The following ERCC1 variants were observed in gnomAD, a reference collection of about 807,000 sequenced individuals.
The protein encoded by ERCC1 is DNA excision repair protein ERCC-1.
In ERCC1, 36 loss-of-function variants were observed where a neutral mutation model predicts 37.6. That is an observed-to-expected ratio of 0.96 (90% CI 0.73 to 1.26). The LOEUF (loss-of-function observed/expected upper bound fraction) is 1.26. Among genes scored for constraint, ERCC1 ranks in the 50% most tolerant of loss-of-function variants. The pLI, the probability that ERCC1 is intolerant of heterozygous loss-of-function variation, is 0.00. For synonymous variants in ERCC1, 156 were observed against 162.1 expected (o/e 0.96, Z 0.28); for missense variants, 349 against 376.5 (o/e 0.93, Z 0.60).
At chr19:45,428,083 C>CTTTTTTTTTTTTTTTTTTTTTTTTT (rs5828235), upstream of ERCC1, among the ~76,000 whole-genome samples, 1 of 116,018 alleles carries the variant, frequency 8.6e-6, no homozygotes, top group Non-Finnish European at 1.7e-5. Flanking sequence ...TTCTTTCTTT[C>CTTTTTTTTTTTTTTTTTTTTTTTTT]TTTTTTTTTT....
chr19:45,446,310 G>C lies in ERCC1; in HGVS notation c.-7-22929C>G, dbSNP rs369542956. Among the ~76,000 whole-genome samples the C allele has an allele frequency of 4.6e-5, 7 of 152,308 alleles. No homozygotes were observed. The South Asian group carries it at 6.2e-4, about 14-fold the overall frequency. ...TGTCATGGTCCAGTTGAGTCCAATG[G>C]TGACTTGGACTAGGAGGTAGTAGGG... is the stretch of plus-strand genomic sequence containing the variant. On this transcript the variant is annotated intron_variant, in intron 1 of 8. Transcript: ENST00000423698.
chr19:45,423,686 C>G lies in ERCC1; in HGVS notation c.-8+95G>C, dbSNP rs889519768. 1.2e-5 allele frequency: 15 copies of G among 1,249,608 alleles called. 1 individual carries two copies. The African/African-American group carries it at 2.0e-4, about 16-fold the overall frequency. 77.4% of individuals were successfully genotyped at this position (1,249,608 alleles called of 1,614,324 possible). On this transcript the variant is annotated intron_variant, in intron 1 of 9. Coordinates refer to ENST00000300853, the MANE Select transcript of ERCC1 (RefSeq NM_001983.4). The stretch of plus-strand genomic sequence containing the variant: ...CCGGCCCCCGAGGCTAGCATCTGGA[C>G]GCCCTCCCCACGCCTGGCCTTGTCC...
intron 1 of ERCC1, among the ~76,000 whole-genome samples, chr19:45,448,619 G>A (rs576949166): frequency 6.6e-6 from 1 of 152,156 alleles, no homozygotes; most frequent in South Asian, 2.1e-4. Flanking sequence ...AGGCGGAGAT[G>A]GGAGGATCTC....
chr19:45,410,917 G>A (rs1001386363), intron 9 of ERCC1, among the ~76,000 whole-genome samples: 9 of 151,954 alleles, frequency 5.9e-5, no homozygotes, highest in Non-Finnish European at 1.3e-4. Flanking sequence ...TCCGCCTCCC[G>A]GATTCAAGCG....
intron 6 of ERCC1, chr19:45,415,778 C>A (rs1403475279): frequency 2.2e-6 from 1 of 455,852 alleles, no homozygotes; most frequent in African/African-American, 2.0e-5. Flanking sequence ...CTTGGGAGCC[C>A]AACCCCACTT....
upstream of ERCC1, among the ~76,000 whole-genome samples, chr19:45,426,293 C>T (rs1263069622): frequency 2.1e-5 from 3 of 145,900 alleles, no homozygotes; most frequent in African/African-American, 5.1e-5. Flanking sequence ...GCAGAAGAAT[C>T]GCTTGAACCT....
At position 45,420,429 on chromosome 19, in the gene ERCC1, TG is replaced by T. The variant is rs1974345003; in HGVS notation, c.322-3del. On this transcript the variant is annotated splice_polypyrimidine_tract_variant and splice_region_variant and intron_variant, in intron 3 of 9. Transcript: ENST00000300853. The surrounding 1 kb of genome is among the most constrained non-coding windows in gnomAD (Gnocchi z 4.8). The stretch of plus-strand genomic sequence containing the variant: ...GAACTTCAGTACGGGATTGCCCCTC[TG>T]GGGAGGGACGAAGGGCAGAAGCCAT... The T allele has an allele frequency of 1.9e-6, 3 of 1,605,882 alleles. No individual in the cohort carries two copies. The highest frequency in any genetic ancestry group is 2.7e-5 in the African/African-American group (2 of 74,572).
intron 1 of ERCC1, among the ~76,000 whole-genome samples, chr19:45,435,197 A>G (rs1442463536): frequency 6.6e-6 from 1 of 152,076 alleles, no homozygotes; most frequent in Non-Finnish European, 1.5e-5. Context: ...GATTACAGGC[A>G]TGAGCCACTG....
At chr19:45,447,141 C>T (rs1251011117) in intron 1 of ERCC1, among the ~76,000 whole-genome samples, 1 of 152,202 alleles carries the variant, frequency 6.6e-6, no homozygotes, top group Non-Finnish European at 1.5e-5. Flanking sequence ...CCAATCACGG[C>T]CTAGGCCTGG....
intron 1 of ERCC1, among the ~76,000 whole-genome samples, chr19:45,447,554 C>T (rs922591115): frequency 2.0e-5 from 3 of 152,146 alleles, no homozygotes; most frequent in East Asian, 3.9e-4. Flanking sequence ...GGATTACAGG[C>T]GTGAACCACT....
intron 1 of ERCC1, among the ~76,000 whole-genome samples, chr19:45,439,323 G>C (rs1975058774): frequency 6.6e-6 from 1 of 152,152 alleles, no homozygotes. Context: ...CCTCAACCCA[G>C]TTCCTCTCCG....
rs756380267 is a variant in ERCC1 at position 45,409,170 on chromosome 19, C to T, written c.*505G>A. 5 of 1,613,548 alleles carry T rather than the reference C, an allele frequency of 3.1e-6. No individual in the cohort carries two copies. The Admixed American group carries it at 8.3e-5, about 27-fold the overall frequency. ...CAAGATGCCACAGTGGAGCCAGAGA[C>T]AGAGGTGGTGGGGCCTGAGCTGCCG... On this transcript the variant is annotated 3_prime_UTR_variant, in exon 10 of 10. Coordinates refer to ENST00000300853, the MANE Select transcript of ERCC1 (RefSeq NM_001983.4).
At position 45,409,367 on chromosome 19, in the gene ERCC1, A is replaced by G. The variant is rs1338232476; in HGVS notation, c.*308T>C. The G allele has an allele frequency of 6.2e-7, 1 of 1,613,998 alleles. No homozygotes were observed. The highest frequency in any genetic ancestry group is 8.5e-7 in the Non-Finnish European group (1 of 1,180,026). ...ATCCACCAAGAAGAGGAAGAAGCAG[A>G]GTCAGGAAAGCCGGATGCCAGAGAC... On this transcript the variant is annotated 3_prime_UTR_variant, in exon 10 of 10. Coordinates refer to ENST00000300853, the MANE Select transcript of ERCC1 (RefSeq NM_001983.4).
At position 45,413,947 on chromosome 19, in the gene ERCC1, G is replaced by A; in HGVS notation, c.774+16C>T. 5.6e-6 allele frequency: 9 copies of A among 1,611,894 alleles called. No individual in the cohort carries two copies. Among genetic ancestry groups the A allele is most frequent in the Non-Finnish European group, 6.8e-6 (8 of 1,178,090 alleles). On this transcript the variant is annotated intron_variant, in intron 8 of 9. Transcript: ENST00000300853. ...GGGGACAGAAATGCCTATGGGGCAG[G>A]GGAGCCATTCCTTACTCCAAATGTG...
In ERCC1 at chr19:45,414,915, C is replaced by A; in HGVS notation, c.648G>T (p.Glu216Asp). ...CCATCAGGAGGTCCGCTGGTTTCTG[C>A]TCATAGGCCTTGTAGGTCTCCAGGT... ...GRYLETYKAY[E>D]QKPADLLMEK... Residue 216 changes from glutamate (E) to aspartate (D), a missense_variant, in exon 7 of 10, where the codon GAG becomes GAT. Transcript: ENST00000300853. The A allele has an allele frequency of 5.0e-6, 8 of 1,614,008 alleles. No homozygotes were observed. The highest frequency in any genetic ancestry group is 6.8e-6 in the Non-Finnish European group (8 of 1,179,922).
chr19:45,419,670 G>C (rs1206898935), intron 4 of ERCC1, among the ~76,000 whole-genome samples: 1 of 152,168 alleles, frequency 6.6e-6, no homozygotes, highest in African/African-American at 2.4e-5. Flanking sequence ...GAACTCAGAG[G>C]TTTCACTTCC....
Position 45,434,951 on chromosome 19 carries a change from A to AT in ERCC1, c.-7-11571dup, listed in dbSNP as rs113525299. Among the ~76,000 whole-genome samples the AT allele has an allele frequency of 7.0e-3, 1,001 of 142,130 alleles. 7 individuals are homozygous for AT. Among genetic ancestry groups the AT allele is most frequent in the African/African-American group, 0.023 (901 of 38,770 alleles). The allele number at this position is 142,130 out of a possible 152,430, so 93.2% of individuals were successfully genotyped here. ...CCACCACGCCCGGCTAATTTTTTGT[A>AT]TTTTTTTTTTTAGTAGAGATGGGGT... On this transcript the variant is annotated intron_variant, in intron 1 of 8. Transcript: ENST00000423698.
rs1975137282 is a variant in ERCC1, at chr19:45,442,159, T to C, written c.-7-18778A>G. Among the ~76,000 whole-genome samples the C allele has an allele frequency of 2.8e-5, 4 of 143,964 alleles. No homozygotes were observed. In the South Asian group the frequency reaches 9.3e-4, roughly 33 times the overall value. The allele number at this position is 143,964 out of a possible 152,430, so 94.4% of individuals were successfully genotyped here. On this transcript the variant is annotated intron_variant, in intron 1 of 8. Coordinates refer to the ERCC1 transcript ENST00000423698. ...AGATCTCATCTCTGGGAAAAAAATT[T>C]TTTTTAATTAGCCAAGTGTGGTGGC...
chr19:45,442,037 G>T (rs1276276026), intron 1 of ERCC1, among the ~76,000 whole-genome samples: 1 of 151,632 alleles, frequency 6.6e-6, no homozygotes, highest in East Asian at 1.9e-4. Flanking sequence ...GCCAGGTGCG[G>T]TGGCTCATGC....
Sources: gnomAD v4.1 joint callset for allele counts (sites outside exome capture counted in the v4.1 genomes callset) on GRCh38, gnomAD v4.1.1 for gene constraint, Gnocchi (gnomAD v3.1) non-coding constraint, MANE v1.5 for transcripts, NCBI Gene and HGNC (gene_info 2026-07-23, HGNC 2026-07-21) for gene names.